Variants in RAB38 observed in about 807,000 individuals in gnomAD.
The protein encoded by RAB38 is RAB38, member RAS oncogene family.
Under a neutral mutation model 18.4 loss-of-function variants are expected in RAB38, and 15 were observed. The ratio of observed to expected loss-of-function variants is 0.82; its 90% CI spans 0.55 to 1.26. The LOEUF (loss-of-function observed/expected upper bound fraction) is 1.26, where lower values mean the gene tolerates loss of function less well. Ranked by LOEUF, RAB38 falls within the 50% of genes most tolerant of loss-of-function variation. The pLI, the probability that RAB38 is intolerant of heterozygous loss-of-function variation, is 0.00. For missense variants in RAB38, 294 were observed against 267.4 expected (o/e 1.10, Z -0.69); for synonymous variants, 101 against 104.4 (o/e 0.97, Z 0.20).
the RAB38 span, among the ~76,000 whole-genome samples, chr11:87,864,921 G>A: frequency 1.3e-5 from 2 of 151,776 alleles, no homozygotes; most frequent in Admixed American, 1.3e-4. Context: ...CATCTATCCA[G>A]CTTCTGTATT....
At chr11:87,814,740 C>T in the RAB38 span, among the ~76,000 whole-genome samples, 35,815 of 146,300 alleles carry the variant, frequency 0.24, 5,058 homozygotes, top group African/African-American at 0.38. Context: ...TTTTCTTTTT[C>T]TTTTTTTTTT....
At chr11:88,037,876 T>C in the RAB38 span, among the ~76,000 whole-genome samples, 2 of 152,156 alleles carry the variant, frequency 1.3e-5, no homozygotes, top group Admixed American at 6.5e-5. Flanking sequence ...TCTTCTGTTA[T>C]TGTTATTGAG....
the RAB38 span, among the ~76,000 whole-genome samples, chr11:87,917,529 GTT>G: frequency 0.11 from 7,812 of 73,528 alleles, 293 homozygotes; most frequent in African/African-American, 0.26. Flanking sequence ...TCACTGAAGT[GTT>G]TTTTTTTTTT....
At chr11:88,095,533 AT>A in the RAB38 span, among the ~76,000 whole-genome samples, 1 of 151,702 alleles carries the variant, frequency 6.6e-6, no homozygotes, top group Non-Finnish European at 1.5e-5. Flanking sequence ...ATTCCTTCTT[AT>A]TTTTCAAAAT....
downstream of RAB38, among the ~76,000 whole-genome samples, chr11:88,109,675 GA>G (rs1168708024): frequency 6.6e-6 from 1 of 151,804 alleles, no homozygotes; most frequent in African/African-American, 2.4e-5. Flanking sequence ...ATATTTACAA[GA>G]AAAAAACAAC....
At chr11:88,100,208 G>A in the RAB38 span, 1 of 151,876 alleles carries the variant, frequency 6.6e-6, no homozygotes, top group Non-Finnish European at 1.5e-5. Context: ...CACCTAAAAA[G>A]TTGAAAAGTC....
At chr11:87,857,584 T>C in the RAB38 span, among the ~76,000 whole-genome samples, 1 of 152,214 alleles carries the variant, frequency 6.6e-6, no homozygotes, top group East Asian at 1.9e-4. Flanking sequence ...TATCTCATTG[T>C]GGTTTTGATT....
the RAB38 span, among the ~76,000 whole-genome samples, chr11:87,875,462 C>T: frequency 6.6e-6 from 1 of 151,514 alleles, no homozygotes; most frequent in Middle Eastern, 3.4e-3. Flanking sequence ...GATTATTTAT[C>T]TGGGGTATGT....
the RAB38 span, among the ~76,000 whole-genome samples, chr11:87,828,296 T>C: frequency 6.6e-6 from 1 of 152,216 alleles, no homozygotes; most frequent in African/African-American, 2.4e-5. Context: ...TTGCTTAGAC[T>C]ATCAAGAATG....
chr11:87,873,140 T>G, the RAB38 span, among the ~76,000 whole-genome samples: 1 of 151,604 alleles, frequency 6.6e-6, no homozygotes, highest in Non-Finnish European at 1.5e-5. Flanking sequence ...TTTTTGACAG[T>G]CTAACAGGTA....
chr11:88,021,356 A>C, the RAB38 span, among the ~76,000 whole-genome samples: 1 of 152,106 alleles, frequency 6.6e-6, no homozygotes, highest in Non-Finnish European at 1.5e-5. Context: ...ATAAATTCCT[A>C]GACACATACA....
At chr11:88,004,257 G>T in the RAB38 span, among the ~76,000 whole-genome samples, 2 of 149,784 alleles carry the variant, frequency 1.3e-5, no homozygotes, top group Non-Finnish European at 3.0e-5. Context: ...ACAGCAAATT[G>T]ATTACAGCAA....
At chr11:88,021,478 T>C in the RAB38 span, among the ~76,000 whole-genome samples, 1 of 152,160 alleles carries the variant, frequency 6.6e-6, no homozygotes, top group South Asian at 2.1e-4. Flanking sequence ...CAGGACCCAT[T>C]GGCTTCACTG....
chr11:87,969,762 T>C, the RAB38 span, among the ~76,000 whole-genome samples: 1 of 152,160 alleles, frequency 6.6e-6, no homozygotes, highest in Non-Finnish European at 1.5e-5. Flanking sequence ...CTTTACCCCA[T>C]TCCATTAGTT....
chr11:87,821,846 G>A, the RAB38 span, among the ~76,000 whole-genome samples: 9 of 141,424 alleles, frequency 6.4e-5, no homozygotes, highest in Admixed American at 2.3e-4. Context: ...GCGACACTCC[G>A]TCTTAAAAAA....
At position 88,156,478 on chromosome 11, in the gene RAB38, C is replaced by A. The variant is rs185695392; in HGVS notation, c.203-6523G>T. Among the ~76,000 whole-genome samples the A allele has an allele frequency of 2.0e-5, 3 of 152,048 alleles. No homozygotes were observed. In the East Asian group the frequency reaches 5.8e-4, roughly 29 times the overall value. ...CAGCACTTTGGGAGGCCGAGGCAGG[C>A]GGATCATGAGGTCAGGAGTTCGAGA... On this transcript the variant is annotated intron_variant, in intron 1 of 2. Coordinates refer to ENST00000243662, the MANE Select transcript of RAB38 (RefSeq NM_022337.3).
At chr11:88,164,791 C>T (rs1262830018) in intron 1 of RAB38, among the ~76,000 whole-genome samples, 2 of 151,826 alleles carry the variant, frequency 1.3e-5, no homozygotes, top group African/African-American at 4.8e-5. Flanking sequence ...TGAGAACTTG[C>T]GCTGTAGCCT....
At chr11:87,841,610 TG>T in the RAB38 span, among the ~76,000 whole-genome samples, 1 of 152,230 alleles carries the variant, frequency 6.6e-6, no homozygotes, top group Non-Finnish European at 1.5e-5. Context: ...TGAATTTTTC[TG>T]AGTTTGGATG....
the RAB38 span, among the ~76,000 whole-genome samples, chr11:88,102,960 G>A: frequency 6.6e-6 from 1 of 151,928 alleles, no homozygotes; most frequent in African/African-American, 2.4e-5. Context: ...ATTCCACAGA[G>A]TGCCCTTTCC....
Sources: allele counts gnomAD v4.1 joint callset (sites outside exome capture counted in the v4.1 genomes callset), GRCh38; gene constraint gnomAD v4.1.1; transcripts MANE v1.5; gene names NCBI Gene and HGNC (gene_info 2026-07-23, HGNC 2026-07-21).